Variants in MICU1 observed in about 807,000 individuals in gnomAD.
The protein encoded by MICU1 is calcium uptake protein 1, mitochondrial.
In MICU1, 45 loss-of-function variants were observed where a neutral mutation model predicts 56.8. That is an observed-to-expected ratio of 0.79 (90% confidence interval 0.62 to 1.02). MICU1 has a LOEUF of 1.02. MICU1 is among the 50% of genes least tolerant of loss of function. The pLI, the probability that MICU1 is intolerant of heterozygous loss-of-function variation, is 0.00. For synonymous variants in MICU1, 186 were observed against 195.1 expected (o/e 0.95, Z 0.39); for missense variants, 504 against 587.1 (o/e 0.86, Z 1.46).
chr10:72,541,275 G>C (rs746985653), intron 4 of MICU1, among the ~76,000 whole-genome samples: 5 of 152,124 alleles, frequency 3.3e-5, no homozygotes, highest in Non-Finnish European at 7.4e-5. Context: ...ACTAGTAAAA[G>C]GCCACAAGAT....
At chr10:72,570,713 T>C (rs970623808) in intron 1 of MICU1, among the ~76,000 whole-genome samples, 2 of 152,178 alleles carry the variant, frequency 1.3e-5, no homozygotes, top group Non-Finnish European at 2.9e-5. Context: ...CTGTTAATCT[T>C]TTCTCCTATT....
chr10:72,485,899 G>GCACACA (rs144168771), intron 6 of MICU1, among the ~76,000 whole-genome samples: 1 of 141,338 alleles, frequency 7.1e-6, no homozygotes, highest in African/African-American at 2.5e-5. Context: ...ACACACACAC[G>GCACACA]CACACACACA....
chr10:72,570,546 T>A (rs2132484592), intron 1 of MICU1, among the ~76,000 whole-genome samples: 1 of 152,298 alleles, frequency 6.6e-6, no homozygotes, highest in South Asian at 2.1e-4. Flanking sequence ...TACTTAGGCA[T>A]CTCCTAAAAT....
intron 1 of MICU1, among the ~76,000 whole-genome samples, chr10:72,587,662 T>C (rs1348739371): frequency 6.6e-6 from 1 of 151,930 alleles, no homozygotes; most frequent in Non-Finnish European, 1.5e-5. Flanking sequence ...TGCACGTCTG[T>C]AATCCTAGCT....
At chr10:72,393,434 G>A (rs187268692) in intron 10 of MICU1, among the ~76,000 whole-genome samples, 28 of 152,332 alleles carry the variant, frequency 1.8e-4, no homozygotes, top group Admixed American at 7.2e-4. Flanking sequence ...CCAGGCAAGA[G>A]CGCTTGAGGT....
intron 10 of MICU1, among the ~76,000 whole-genome samples, chr10:72,394,171 T>TA (rs1253602600): frequency 6.6e-6 from 1 of 151,998 alleles, no homozygotes; most frequent in Non-Finnish European, 1.5e-5. Context: ...ATGCCTGACT[T>TA]AGAGCCCAGC....
In MICU1 at chr10:72,438,154, T is replaced by C. The variant is rs574044348; in HGVS notation, c.934-14783A>G. ...ACTGACCACATAATTGGAAGTAAAG[T>C]ACTCCTCAGCAAATGTAAAAGAACA... On this transcript the variant is annotated intron_variant, in intron 8 of 11. Transcript: ENST00000361114. Among the ~76,000 whole-genome samples, 429 of 150,318 alleles carry C rather than the reference T, an allele frequency of 2.9e-3. 3 individuals carry two copies. Among genetic ancestry groups the C allele is most frequent in the African/African-American group, 9.9e-3 (403 of 40,688 alleles).
chr10:72,475,122 T>G lies in MICU1; in HGVS notation c.911A>C (p.Gln304Pro), dbSNP rs1247460302. The part of the protein sequence containing the change: ...KNFLEFQRKL[Q>P]HDVLKLEFER... ...TACCTCAAGCTTCAGAACATCATGC[T>G]GCAGTTTACGCTGAAATTCGAGGAA... The change falls in exon 8 of 12, where the codon CAG becomes CCG. Residue 304 changes from glutamine (Q) to proline (P), a missense_variant. Coordinates refer to ENST00000361114, the MANE Select transcript of MICU1 (RefSeq NM_001195518.2). 1 of 1,610,264 alleles carries G rather than the reference T, an allele frequency of 6.2e-7. No homozygotes were observed. Among genetic ancestry groups the G allele is most frequent in the Non-Finnish European group, 8.5e-7 (1 of 1,178,258 alleles).
At chr10:72,449,685 T>A (rs1865234992) in intron 8 of MICU1, among the ~76,000 whole-genome samples, 2 of 152,196 alleles carry the variant, frequency 1.3e-5, no homozygotes, top group South Asian at 4.1e-4. Context: ...TTAAGAAACA[T>A]AAACGATACT....
At chr10:72,520,055 A>G (rs1867770940) in intron 5 of MICU1, among the ~76,000 whole-genome samples, 1 of 152,168 alleles carries the variant, frequency 6.6e-6, no homozygotes, top group South Asian at 2.1e-4. Context: ...AAATCCCTTG[A>G]GTAATATTTG....
At chr10:72,616,248 TTA>T (rs1425323922) in intron 1 of MICU1, among the ~76,000 whole-genome samples, 1 of 152,178 alleles carries the variant, frequency 6.6e-6, no homozygotes, top group Non-Finnish European at 1.5e-5. Flanking sequence ...ATTCCTATAA[TTA>T]TTTTTGAGCT....
At chr10:72,499,763 T>A (rs1168701400) in intron 6 of MICU1, among the ~76,000 whole-genome samples, 1 of 152,186 alleles carries the variant, frequency 6.6e-6, no homozygotes, top group Non-Finnish European at 1.5e-5. Context: ...CTTGCCCATA[T>A]TTTTCAATAC....
intron 6 of MICU1, among the ~76,000 whole-genome samples, chr10:72,494,539 C>T (rs573806557): frequency 6.6e-6 from 1 of 152,088 alleles, no homozygotes; most frequent in South Asian, 2.1e-4. Context: ...AGCTTATTAT[C>T]ATTACATATT....
chr10:72,625,500 G>A (rs1184915075), intron 1 of MICU1, among the ~76,000 whole-genome samples: 1 of 152,212 alleles, frequency 6.6e-6, no homozygotes, highest in African/African-American at 2.4e-5. Context: ...CGCTGGAAAA[G>A]ATAAAAACTG....
chr10:72,623,323 A>G (rs1434453526), intron 1 of MICU1, among the ~76,000 whole-genome samples: 1 of 143,436 alleles, frequency 7.0e-6, no homozygotes, highest in Non-Finnish European at 1.5e-5. Context: ...AAAAAAAAAG[A>G]CAAGAAAAGA....
rs1451932148 is a variant in MICU1, at chr10:72,563,058, T to G, written c.167A>C (p.His56Pro). The change falls in exon 3 of 12, where the codon CAT (histidine) becomes CCT (proline). Residue 56 changes from histidine (H) to proline (P), a missense_variant. Coordinates refer to ENST00000361114, the MANE Select transcript of MICU1 (RefSeq NM_001195518.2). The part of the protein sequence containing the change: ...ASTGLLWKRA[H>P]AESPPCVDNL... ...GTCTACACATGGTGGAGATTCTGCA[T>G]GGGCCCTGGATATGCAAAAAAGAAA... 3.8e-6 allele frequency: 6 copies of G among 1,568,900 alleles called. No homozygotes were observed. Among genetic ancestry groups the G allele is most frequent in the African/African-American group, 1.4e-5 (1 of 72,936 alleles).
In MICU1 at chr10:72,432,878, T is replaced by TTTTTTATGTC. The variant is rs1864586894; in HGVS notation, c.934-9508_934-9507insGACATAAAAA. On this transcript the variant is annotated intron_variant, in intron 8 of 11. Coordinates refer to ENST00000361114, the MANE Select transcript of MICU1 (RefSeq NM_001195518.2). Reference sequence around the variant, plus strand: ...CACTCAGTTTGCCCATCTGTTAATTTTGTTTAGGTCTGTTTTATGTGTGGA... The same window carrying TTTTTTATGTC: ...CACTCAGTTTGCCCATCTGTTAATTTTTTTTATGTCTGTTTAGGTCTGTTTTATGTGTGGA... 5.3e-5 allele frequency among the ~76,000 whole-genome samples: 8 copies of TTTTTTATGTC among 152,334 alleles called. No individual in the cohort carries two copies. In the South Asian group the frequency reaches 1.7e-3, roughly 32 times the overall value.
intron 8 of MICU1, among the ~76,000 whole-genome samples, chr10:72,451,024 C>CTTTTT (rs34430004): frequency 1.2e-4 from 14 of 115,024 alleles, no homozygotes; most frequent in Non-Finnish European, 1.7e-4. Context: ...TCCCTTAAAT[C>CTTTTT]TTTTTTTTTT....
chr10:72,611,700 CA>C (rs1171492398), intron 1 of MICU1, among the ~76,000 whole-genome samples: 2 of 152,126 alleles, frequency 1.3e-5, no homozygotes, highest in African/African-American at 4.8e-5. Flanking sequence ...CCAATACTCT[CA>C]AACACTGAGA....
Sources: allele counts gnomAD v4.1 joint callset (sites outside exome capture counted in the v4.1 genomes callset), GRCh38; gene constraint gnomAD v4.1.1; transcripts MANE v1.5; gene names NCBI Gene and HGNC (gene_info 2026-07-23, HGNC 2026-07-21).